The following SLMAP variants were observed in gnomAD, a reference collection of about 807,000 sequenced individuals.
The protein encoded by SLMAP is sarcolemmal membrane-associated protein.
In SLMAP, 44 loss-of-function variants were observed where a neutral mutation model predicts 128.8. That is an observed-to-expected ratio of 0.34 (90% confidence interval 0.27 to 0.44). The LOEUF (loss-of-function observed/expected upper bound fraction) is 0.44, where lower values mean the gene tolerates loss of function less well. SLMAP is among the 20% of genes least tolerant of loss of function. SLMAP has a pLI of 1.00. For missense variants in SLMAP, 787 were observed against 985.3 expected (o/e 0.80, Z 2.69); for synonymous variants, 327 against 348.8 (o/e 0.94, Z 0.70).
At chr3:57,843,534 G>A (rs557495742) in intron 4 of SLMAP, among the ~76,000 whole-genome samples, 2 of 151,054 alleles carry the variant, frequency 1.3e-5, no homozygotes, top group Admixed American at 6.6e-5. Flanking sequence ...TTGAACTCCC[G>A]AGCACAGGCA....
chr3:57,864,959 A>C lies in SLMAP; in HGVS notation c.1186+102A>C. On this transcript the variant is annotated intron_variant, in intron 12 of 24. Transcript: ENST00000671191. ...GCATTTTTTAAGGGATGTTTTATGT[A>C]TTAGGTATAAAGTATCTATATTCTT... The C allele has an allele frequency of 3.3e-6, 3 of 917,792 alleles. No individual in the cohort carries two copies. In the South Asian group the frequency reaches 5.1e-5, roughly 16 times the overall value. 56.9% of individuals were successfully genotyped at this position (917,792 alleles called of 1,614,324 possible).
In SLMAP at chr3:57,850,611, CTTTTG is replaced by C. The variant is rs1329165565; in HGVS notation, c.519+805_519+809del. On this transcript the variant is annotated intron_variant, in intron 6 of 24. Transcript: ENST00000671191. ...AAAACAATTCTTTATCCATAGATGA[CTTTTG>C]TTTTGTTTTATTTTATTTTATTCTG... 4.6e-5 allele frequency among the ~76,000 whole-genome samples: 7 copies of C among 152,006 alleles called. No individual in the cohort carries two copies. The South Asian group carries it at 6.2e-4, about 14-fold the overall frequency.
chr3:57,912,203 G>A lies in SLMAP; in HGVS notation c.1700-178G>A, dbSNP rs530828200. Reference sequence around the variant, plus strand: ...TGTTGGGGAGATGAAGATCACTTTGGTTTTTTTTTCCTCTTTGCTATCTGT... The same window carrying A: ...TGTTGGGGAGATGAAGATCACTTTGATTTTTTTTTCCTCTTTGCTATCTGT... On this transcript the variant is annotated intron_variant, in intron 19 of 24. Transcript: ENST00000671191. The A allele has an allele frequency of 1.5e-5, 8 of 522,258 alleles. No homozygotes were observed. The East Asian group carries it at 2.4e-4, about 15-fold the overall frequency. The allele number at this position is 522,258 out of a possible 1,614,324, so 32.4% of individuals were successfully genotyped here.
intron 2 of SLMAP, among the ~76,000 whole-genome samples, chr3:57,774,972 C>A (rs567125062): frequency 6.6e-6 from 1 of 152,072 alleles, no homozygotes; most frequent in Non-Finnish European, 1.5e-5. Flanking sequence ...ATATTTAAGT[C>A]CTGCTGCCAA....
At chr3:57,824,370 C>T (rs759938952) in intron 2 of SLMAP, among the ~76,000 whole-genome samples, 62 of 151,906 alleles carry the variant, frequency 4.1e-4, no homozygotes, top group Non-Finnish European at 8.1e-4. Context: ...AAATAATGGC[C>T]GAAAAGTATT....
chr3:57,847,245 A>G lies in SLMAP; in HGVS notation c.456+12A>G. The G allele has an allele frequency of 6.2e-7, 1 of 1,603,834 alleles. No homozygotes were observed. Among genetic ancestry groups the G allele is most frequent in the Non-Finnish European group, 8.5e-7 (1 of 1,172,104 alleles). ...GTCCTGTTGACAAAGTAAGTTGCTA[A>G]TGATTATTTTTTCCAAACTGACTCA... On this transcript the variant is annotated intron_variant, in intron 5 of 24. Coordinates refer to ENST00000671191, the MANE Select transcript of SLMAP (RefSeq NM_001377540.1).
At chr3:57,859,278 G>A (rs977937029) in intron 8 of SLMAP, among the ~76,000 whole-genome samples, 14 of 145,580 alleles carry the variant, frequency 9.6e-5, no homozygotes, top group African/African-American at 2.8e-4. Flanking sequence ...AGCCAAGATC[G>A]CACCTCTGAA....
intron 3 of SLMAP, among the ~76,000 whole-genome samples, chr3:57,832,790 A>G (rs1344122417): frequency 6.6e-6 from 1 of 152,206 alleles, no homozygotes; most frequent in Non-Finnish European, 1.5e-5. Flanking sequence ...TGGCCTCCTC[A>G]GAAAGTTAGG....
chr3:57,815,456 A>G (rs2091724751), intron 2 of SLMAP, among the ~76,000 whole-genome samples: 1 of 152,190 alleles, frequency 6.6e-6, no homozygotes, highest in South Asian at 2.1e-4. Flanking sequence ...TTGCCCCATC[A>G]CACATGAATA....
intron 20 of SLMAP, 138 bp from the exon 21 acceptor site, chr3:57,913,018 CAT>C (rs2096733264): frequency 3.8e-6 from 2 of 526,510 alleles, no homozygotes; most frequent in East Asian, 5.9e-5. Flanking sequence ...TAACAGGAAT[CAT>C]ATAATTAACC....
intron 5 of SLMAP, among the ~76,000 whole-genome samples, chr3:57,848,968 CA>C (rs2094403365): frequency 1.3e-5 from 2 of 152,086 alleles, no homozygotes; most frequent in South Asian, 4.1e-4. Flanking sequence ...CTCGGCCTCC[CA>C]AAGTGCTGGG....
At chr3:57,859,670 G>A (rs942268860) in intron 8 of SLMAP, among the ~76,000 whole-genome samples, 6 of 152,084 alleles carry the variant, frequency 3.9e-5, no homozygotes, top group Admixed American at 2.0e-4. Context: ...GTATGTAAAG[G>A]CATAAAGAGT....
intron 14 of SLMAP, among the ~76,000 whole-genome samples, chr3:57,889,130 C>T (rs911232748): frequency 5.3e-5 from 8 of 152,186 alleles, no homozygotes; most frequent in African/African-American, 1.2e-4. Context: ...GTGATCCACC[C>T]GCCTTGGCCT....
chr3:57,777,110 GA>G (rs1471897144), intron 2 of SLMAP, among the ~76,000 whole-genome samples: 21 of 129,006 alleles, frequency 1.6e-4, no homozygotes, highest in Middle Eastern at 4.1e-3. Flanking sequence ...TTTTTGGGGG[GA>G]GGGGGGAGGG....
At chr3:57,841,649 C>T (rs1388356404) in intron 4 of SLMAP, among the ~76,000 whole-genome samples, 5 of 152,044 alleles carry the variant, frequency 3.3e-5, no homozygotes, top group Non-Finnish European at 5.9e-5. Flanking sequence ...TTGTTTTTCA[C>T]AATGTTTCAA....
intron 2 of SLMAP, among the ~76,000 whole-genome samples, chr3:57,768,984 A>G (rs1385453891): frequency 6.6e-6 from 1 of 152,126 alleles, no homozygotes; most frequent in East Asian, 1.9e-4. Context: ...CCATTAGATA[A>G]ATCTCTCTAT....
At chr3:57,779,105 C>T (rs748373691) in intron 2 of SLMAP, among the ~76,000 whole-genome samples, 3 of 151,970 alleles carry the variant, frequency 2.0e-5, no homozygotes, top group Non-Finnish European at 4.4e-5. Flanking sequence ...CAGTATTGAA[C>T]GTGAATGAAC....
chr3:57,870,953 A>G (rs901750434), intron 13 of SLMAP, among the ~76,000 whole-genome samples: 2 of 152,200 alleles, frequency 1.3e-5, no homozygotes, highest in Non-Finnish European at 2.9e-5. Context: ...TTTAACCACT[A>G]TGTTACATTT....
rs2096257073 is a variant in SLMAP, at chr3:57,896,906, C to G, written c.1475C>G (p.Pro492Arg). The G allele has an allele frequency of 2.5e-6, 4 of 1,612,416 alleles. No homozygotes were observed. The highest frequency in any genetic ancestry group is 3.4e-6 in the Non-Finnish European group (4 of 1,179,496). The stretch of plus-strand genomic sequence containing the variant: ...ATGGATGAGCAAGACCTAAATGAGC[C>G]TCTTGCCAAAGTGTCCCTTTTAAAA... ...AQMDEQDLNE[P>R]LAKVSLLKDD... Residue 492 changes from proline (P) to arginine (R), a missense_variant, in exon 17 of 25, where the codon CCT becomes CGT. Around this residue, in one of 2 missense-constraint regions of SLMAP, gnomAD observed 715 missense variants for 843.6 expected, o/e 0.85. Transcript: ENST00000671191.
Sources: allele counts gnomAD v4.1 joint callset (sites outside exome capture counted in the v4.1 genomes callset), GRCh38; gene constraint gnomAD v4.1.1; regional missense constraint gnomAD v4.1.1; transcripts MANE v1.5; gene names NCBI Gene and HGNC (gene_info 2026-07-23, HGNC 2026-07-21).